The following PEX1 variants were observed in gnomAD, a reference collection of about 807,000 sequenced individuals.
The protein encoded by PEX1 is peroxisomal biogenesis factor 1, also known as peroxisomal ATPase PEX1.
PEX1 carries 97 observed loss-of-function variants against 152.5 expected under a neutral mutation model. That is an observed-to-expected ratio of 0.64 (90% confidence interval 0.54 to 0.75). The LOEUF (loss-of-function observed/expected upper bound fraction) is 0.75, where lower values mean the gene tolerates loss of function less well. Among genes scored for constraint, PEX1 ranks in the 30% least tolerant of loss-of-function variants. PEX1 has a pLI of 0.00. For missense variants in PEX1, 1,357 were observed against 1,516.3 expected, an observed-to-expected ratio of 0.89 and a Z score of 1.74; for synonymous variants, 485 against 531.6, an observed-to-expected ratio of 0.91 and a Z score of 1.21.
Position 92,517,399 on chromosome 7 carries a change from T to G in PEX1, c.1116A>C (p.Ser372=), listed in dbSNP as rs1792842640. The G allele has an allele frequency of 6.2e-7, 1 of 1,613,916 alleles. No homozygotes were observed. The highest frequency in any genetic ancestry group is 1.1e-5 in the South Asian group (1 of 91,082). The part of the protein sequence containing the change: ...SEPLDQKKIR[S]DHNEEDEKAC... Reference sequence around the variant, plus strand: ...CCTTCTCATCTTCTTCATTATGATCTGACCTAATTTTTTTTTGATCTAGTG... The same window carrying G: ...CCTTCTCATCTTCTTCATTATGATCGGACCTAATTTTTTTTTGATCTAGTG... Residue 372 remains serine, a synonymous_variant, in exon 5 of 24, where the codon TCA becomes TCC. Transcript: ENST00000248633.
At chr7:92,494,196 C>A in intron 19 of PEX1, 97 bp downstream of exon 19, 1 of 889,310 alleles carries the variant, frequency 1.1e-6, no homozygotes, top group Admixed American at 2.0e-5. Flanking sequence ...GAAAGCTGGT[C>A]TTCTAAGGAC....
At chr7:92,498,083 A>C (rs1377112165) in intron 16 of PEX1, among the ~76,000 whole-genome samples, 3 of 151,586 alleles carry the variant, frequency 2.0e-5, no homozygotes, top group Admixed American at 6.6e-5. Flanking sequence ...AAAAAAAAAA[A>C]AAAAAAACTA....
Position 92,494,470 on chromosome 7 carries a change from G to A in PEX1, c.2926+17C>T, listed in dbSNP as rs1359780699. 3.1e-6 allele frequency: 5 copies of A among 1,612,482 alleles called. No homozygotes were observed. Among genetic ancestry groups the A allele is most frequent in the Non-Finnish European group, 3.4e-6 (4 of 1,178,632 alleles). On this transcript the variant is annotated intron_variant, in intron 18 of 23. Transcript: ENST00000248633. ...CATTTTGTTATAACATTCTATTTCT[G>A]TATTTATAATTATTACCCTGTAAGC...
chr7:92,505,308 G>C (rs1021821638), intron 11 of PEX1, among the ~76,000 whole-genome samples: 1 of 151,770 alleles, frequency 6.6e-6, no homozygotes, highest in Non-Finnish European at 1.5e-5. Context: ...AATTACTCGG[G>C]AGGTTGAGGC....
rs1299449822 is a variant in PEX1 at position 92,494,579 on chromosome 7, A to G, written c.2834T>C (p.Ile945Thr). ...ATTATCATGACCCCGCCGAGGAGCA[A>G]TGGATTCAAATTCATCAAAGAAAAG... ...CILFFDEFESIAPRRGHDNTG... is the reference protein window; with the variant it reads ...CILFFDEFESTAPRRGHDNTG... The change falls in exon 18 of 24, where the codon ATT becomes ACT. Residue 945 changes from isoleucine to threonine, a missense_variant. Transcript: ENST00000248633. The G allele has an allele frequency of 1.2e-6, 2 of 1,613,952 alleles. No homozygotes were observed. The highest frequency in any genetic ancestry group is 1.3e-5 in the African/African-American group (1 of 74,930).
chr7:92,508,866 A>C (rs1010348672), intron 9 of PEX1, among the ~76,000 whole-genome samples: 1 of 152,234 alleles, frequency 6.6e-6, no homozygotes, highest in Non-Finnish European at 1.5e-5. Flanking sequence ...AAATTATTAC[A>C]GTAATACAAG....
intron 6 of PEX1, 115 bp downstream of exon 6, chr7:92,513,732 TA>T (rs1419424306): frequency 1.4e-5 from 11 of 775,236 alleles, no homozygotes; most frequent in Non-Finnish European, 2.3e-5. Flanking sequence ...TTTAACACAA[TA>T]AAAAAAGATT....
chr7:92,504,919 T>G lies in PEX1; in HGVS notation c.1901-17A>C. 1 of 1,598,442 alleles carries G rather than the reference T, an allele frequency of 6.3e-7. No homozygotes were observed. The highest frequency in any genetic ancestry group is 8.6e-7 in the Non-Finnish European group (1 of 1,165,796). ...GCCTTTTTCCTTAATACAGAAGATA[T>G]GAAATGGTTTCAGTATCATTTCAGT... On this transcript the variant is annotated splice_polypyrimidine_tract_variant and intron_variant, in intron 11 of 23. Coordinates refer to ENST00000248633, the MANE Select transcript of PEX1 (RefSeq NM_000466.3).
chr7:92,518,860 G>T, intron 3 of PEX1, 135 bp downstream of exon 3: 1 of 729,262 alleles, frequency 1.4e-6, no homozygotes, highest in South Asian at 1.5e-5. Flanking sequence ...ATGAGCTACT[G>T]TGCCTGGCCC....
intron 8 of PEX1, 57 bp from the exon 9 acceptor site, chr7:92,509,468 T>C (rs1792353705): frequency 5.5e-6 from 7 of 1,270,480 alleles, no homozygotes; most frequent in Non-Finnish European, 8.0e-6. Flanking sequence ...TTGCATGTTT[T>C]TCTCGGGTCC....
intron 19 of PEX1, chr7:92,493,523 C>G (rs993032929): frequency 4.4e-5 from 7 of 158,768 alleles, no homozygotes; most frequent in Non-Finnish European, 5.5e-5. Flanking sequence ...CCTGTGGTCC[C>G]AGCTACTCGG....
At chr7:92,518,862 G>T in intron 3 of PEX1, 133 bp downstream of exon 3, 1 of 732,036 alleles carries the variant, frequency 1.4e-6, no homozygotes, top group Non-Finnish European at 2.4e-6. Flanking sequence ...GAGCTACTGT[G>T]CCTGGCCCCA....
chr7:92,520,482 G>A (rs1371525078), intron 2 of PEX1, among the ~76,000 whole-genome samples: 3 of 152,156 alleles, frequency 2.0e-5, no homozygotes, highest in East Asian at 1.9e-4. Context: ...TGGCACTCTC[G>A]TGTATTGTCA....
rs1742786190 is a variant in PEX1, at chr7:92,501,997, T to C, written c.2309A>G (p.Gln770Arg). The change falls in exon 14 of 24, where the codon CAG becomes CGG. Residue 770 changes from glutamine (Q) to arginine (R), a missense_variant. Physicochemically the swap from Gln to Arg is conservative, Grantham distance 43. Transcript: ENST00000248633. ...DINKFTDLDLQHVAKETGGFV... is the reference protein window; with the variant it reads ...DINKFTDLDLRHVAKETGGFV... Reference sequence around the variant, plus strand: ...CCCGCCAGTTTCTTTAGCTACATGCTGCAGGTCAAGATCGGTGAACTTGTT... The same window carrying C: ...CCCGCCAGTTTCTTTAGCTACATGCCGCAGGTCAAGATCGGTGAACTTGTT... 1 of 1,613,460 alleles carries C rather than the reference T, an allele frequency of 6.2e-7. No homozygotes were observed. The highest frequency in any genetic ancestry group is 1.3e-5 in the African/African-American group (1 of 74,944).
chr7:92,527,926 C>G (rs545111189), intron 1 of PEX1, among the ~76,000 whole-genome samples: 1 of 152,376 alleles, frequency 6.6e-6, no homozygotes, highest in South Asian at 2.1e-4. Context: ...GTCCCGCTCT[C>G]GCGGCCCGGA....
Position 92,517,180 on chromosome 7 carries a change from G to A in PEX1, c.1239+96C>T, listed in dbSNP as rs1412210846. The A allele has an allele frequency of 2.9e-6, 3 of 1,029,462 alleles. No homozygotes were observed. In the Admixed American group the frequency reaches 5.7e-5, roughly 20 times the overall value. The allele number at this position is 1,029,462 out of a possible 1,614,324, so 63.8% of individuals were successfully genotyped here. A position where few individuals can be genotyped will look rare whatever the true frequency, so the allele number is the denominator to read the frequency against. On this transcript the variant is annotated intron_variant, in intron 5 of 23. Transcript: ENST00000248633. ...TTAGGCACTGTGTTTCTTTTTAATT[G>A]ATTTTCAATTTATATATGAAATACT...
intron 3 of PEX1, 57 bp downstream of exon 3, chr7:92,518,938 T>G: frequency 6.1e-6 from 7 of 1,156,890 alleles, no homozygotes; most frequent in Non-Finnish European, 9.2e-6. Flanking sequence ...CTAAAGACAT[T>G]GATATTGTGA....
At chr7:92,487,644 G>T in intron 23 of PEX1, 103 bp from the exon 24 acceptor site, 2 of 507,438 alleles carry the variant, frequency 3.9e-6, no homozygotes, top group Non-Finnish European at 3.5e-6. Context: ...GAAATGAACG[G>T]GAAATAACAA....
chr7:92,496,874 A>G (rs963060377), intron 16 of PEX1, 97 bp from the exon 17 acceptor site: 17 of 775,776 alleles, frequency 2.2e-5, no homozygotes, highest in Non-Finnish European at 3.4e-5. Context: ...AATCTTTAAT[A>G]TGATTAAATG....
Sources: allele counts gnomAD v4.1 joint callset (sites outside exome capture counted in the v4.1 genomes callset), GRCh38; gene constraint gnomAD v4.1.1; transcripts MANE v1.5; gene names NCBI Gene and HGNC (gene_info 2026-07-23, HGNC 2026-07-21).